The following PPARGC1B variants were observed in gnomAD, a reference collection of about 807,000 sequenced individuals.
PPARGC1B encodes PPARG coactivator 1 beta, also known as peroxisome proliferator-activated receptor gamma coactivator 1-beta.
A neutral mutation model predicts 101.6 loss-of-function variants in PPARGC1B; 34 were observed. The observed-to-expected ratio is 0.33, with a 90% confidence interval of 0.25 to 0.45. The LOEUF is 0.45. Ranked by LOEUF, PPARGC1B falls within the 20% of genes least tolerant of loss-of-function variation. The pLI is 1.00. For missense variants in PPARGC1B, 1,234 were observed against 1,317.6 expected (o/e 0.94, Z 0.98); for synonymous variants, 548 against 539.3 (o/e 1.02, Z -0.22).
chr5:149,840,393 C>T (rs1196871297), intron 9 of PPARGC1B, among the ~76,000 whole-genome samples: 1 of 152,192 alleles, frequency 6.6e-6, no homozygotes, highest in African/African-American at 2.4e-5. Context: ...GGCTCAGCGT[C>T]AGGGGCCTTG....
At chr5:149,855,157 C>T (rs1759916075), downstream of PPARGC1B, 2 of 152,146 alleles carry the variant, frequency 1.3e-5, 1 homozygote, top group South Asian at 4.1e-4. Context: ...CTGCTCCTCA[C>T]CTCACCACAC....
intron 7 of PPARGC1B, 24 bp downstream of exon 7, chr5:149,835,389 C>G (rs374063051): frequency 1.2e-6 from 2 of 1,604,422 alleles, no homozygotes; most frequent in African/African-American, 2.7e-5. Flanking sequence ...CTTCCACTGG[C>G]AGGTGCCTTC....
At chr5:149,756,161 AT>A in intron 1 of PPARGC1B, among the ~76,000 whole-genome samples, 1 of 152,264 alleles carries the variant, frequency 6.6e-6, no homozygotes, top group South Asian at 2.1e-4. Flanking sequence ...CTTAATAAAT[AT>A]GCTATTTAAA....
At chr5:149,769,552 C>T (rs915432846) in intron 1 of PPARGC1B, among the ~76,000 whole-genome samples, 38 of 152,174 alleles carry the variant, frequency 2.5e-4, no homozygotes, top group African/African-American at 9.2e-4. Flanking sequence ...ATGCCCTCGT[C>T]CTCTCTGGGC....
intron 10 of PPARGC1B, among the ~76,000 whole-genome samples, chr5:149,845,059 ATGG>A (rs1291238567): frequency 1.3e-5 from 2 of 152,186 alleles, no homozygotes; most frequent in Non-Finnish European, 2.9e-5. Context: ...TGAACAAACC[ATGG>A]TGTCCAGGAA....
chr5:149,834,644 G>A (rs765363427), intron 5 of PPARGC1B, 30 bp from the exon 6 acceptor site: 1 of 1,607,600 alleles, frequency 6.2e-7, no homozygotes, highest in South Asian at 1.1e-5. Flanking sequence ...CCATATTGGG[G>A]AATCTTATTT....
intron 1 of PPARGC1B, among the ~76,000 whole-genome samples, chr5:149,816,004 T>C (rs1012921528): frequency 1.3e-5 from 2 of 152,158 alleles, no homozygotes; most frequent in African/African-American, 4.8e-5. Flanking sequence ...AGTTTGTGCT[T>C]CAACCTCCCA....
At chr5:149,770,714 TC>T (rs1258261477) in intron 1 of PPARGC1B, among the ~76,000 whole-genome samples, 1 of 151,458 alleles carries the variant, frequency 6.6e-6, no homozygotes, top group East Asian at 1.9e-4. Context: ...ATGCCTGTAG[TC>T]CTAGCTACTT....
chr5:149,750,446 T>C (rs1035336896), intron 1 of PPARGC1B, among the ~76,000 whole-genome samples: 2 of 113,216 alleles, frequency 1.8e-5, no homozygotes, highest in African/African-American at 6.8e-5. Flanking sequence ...TTCTCTGTTT[T>C]AGTTAAAATA....
intron 1 of PPARGC1B, among the ~76,000 whole-genome samples, chr5:149,793,290 C>T (rs1442601394): frequency 6.6e-6 from 1 of 152,090 alleles, no homozygotes; most frequent in East Asian, 1.9e-4. Flanking sequence ...GGGAGGAGCA[C>T]CTGACTCATA....
intron 1 of PPARGC1B, among the ~76,000 whole-genome samples, chr5:149,786,600 G>A (rs1457746405): frequency 6.6e-6 from 1 of 152,220 alleles, no homozygotes; most frequent in African/African-American, 2.4e-5. Context: ...AGAGGCAGGC[G>A]TGTGTGCAGA....
At chr5:149,827,918 T>G (rs1758593759) in intron 3 of PPARGC1B, among the ~76,000 whole-genome samples, 1 of 152,174 alleles carries the variant, frequency 6.6e-6, no homozygotes. Context: ...GGCCCCTCCC[T>G]TGGTGCTGTG....
intron 1 of PPARGC1B, among the ~76,000 whole-genome samples, chr5:149,732,390 A>G (rs1043297418): frequency 6.6e-6 from 1 of 152,230 alleles, no homozygotes; most frequent in African/African-American, 2.4e-5. Context: ...GACCCATGTC[A>G]AGAACTGTCC....
intron 1 of PPARGC1B, among the ~76,000 whole-genome samples, chr5:149,749,440 T>A (rs56200554): frequency 0.11 from 17,154 of 152,218 alleles, 1,303 homozygotes; most frequent in Admixed American, 0.24. Flanking sequence ...AGAAGAGAGA[T>A]GTTTTTTGAA....
At position 149,748,224 on chromosome 5, in the gene PPARGC1B, A is replaced by G. The variant is rs796403882; in HGVS notation, c.78+17804A>G. Among the ~76,000 whole-genome samples, 40 of 152,108 alleles carry G rather than the reference A, an allele frequency of 2.6e-4. 1 individual carries two copies. In the Middle Eastern group the frequency reaches 0.014, roughly 52 times the overall value. ...TCCAGGGTCTGTCAGTTAGCTGCTG[A>G]CTTAGGGCATGGTACTTATTCTGCC... On this transcript the variant is annotated intron_variant, in intron 1 of 11. Transcript: ENST00000309241.
chr5:149,741,173 G>T (rs1754890747), intron 1 of PPARGC1B, among the ~76,000 whole-genome samples: 1 of 152,214 alleles, frequency 6.6e-6, no homozygotes, highest in African/African-American at 2.4e-5. Context: ...TTTTTTCCCT[G>T]TGATTGCCTG....
chr5:149,781,762 T>A (rs1186004982), intron 1 of PPARGC1B, among the ~76,000 whole-genome samples: 1 of 152,040 alleles, frequency 6.6e-6, no homozygotes, highest in East Asian at 1.9e-4. Flanking sequence ...TGCTGAGGGA[T>A]GTCCTGGCCA....
In PPARGC1B at chr5:149,842,256, G is replaced by A. The variant is rs529670273; in HGVS notation, c.2695G>A (p.Gly899Arg). The A allele has an allele frequency of 1.9e-6, 3 of 1,613,034 alleles. No individual in the cohort carries two copies. Among genetic ancestry groups the A allele is most frequent in the Admixed American group, 3.3e-5 (2 of 60,024 alleles). Residue 899 changes from glycine to arginine, a missense_variant and splice_region_variant, in exon 10 of 12, where the codon GGG becomes AGG. By Grantham distance (125) the Gly-to-Arg change is moderately radical. This residue lies in a region of PPARGC1B where 497 missense variants were observed against 529.5 expected (regional missense o/e 0.94). Coordinates refer to ENST00000309241, the MANE Select transcript of PPARGC1B (RefSeq NM_133263.4). ...HARKRREKAI[G>R]EGRVVYIQNL... is the part of the protein sequence containing the mutation. ...TCTCTCTGTCCTCCTTCTTGGGCAG[G>A]GGGAAGGCCGCGTGGTGTACATTCA...
chr5:149,781,898 T>C (rs1464644804), intron 1 of PPARGC1B, among the ~76,000 whole-genome samples: 1 of 152,156 alleles, frequency 6.6e-6, no homozygotes, highest in Non-Finnish European at 1.5e-5. Flanking sequence ...TGAGGTAAAC[T>C]CTATTTGCCA....
Sources: gnomAD v4.1 joint callset for allele counts (sites outside exome capture counted in the v4.1 genomes callset) on GRCh38, gnomAD v4.1.1 for gene constraint, gnomAD v4.1.1 regional missense constraint, MANE v1.5 for transcripts, NCBI Gene and HGNC (gene_info 2026-07-23, HGNC 2026-07-21) for gene names.